Variants in PKD1L1 observed in about 807,000 individuals in gnomAD.
The protein encoded by PKD1L1 is polycystin-1-like protein 1.
Under a neutral mutation model 323.4 loss-of-function variants are expected in PKD1L1, and 236 were observed. The observed-to-expected ratio is 0.73, with a 90% CI of 0.66 to 0.81. The LOEUF (loss-of-function observed/expected upper bound fraction) is 0.81. PKD1L1 is among the 40% of genes least tolerant of loss of function. PKD1L1 has a pLI of 0.00. For missense variants in PKD1L1, 3,320 were observed against 3,508.0 expected, an observed-to-expected ratio of 0.95 and a Z score of 1.35; for synonymous variants, 1,344 against 1,335.0, an observed-to-expected ratio of 1.01 and a Z score of -0.15.
chr7:47,949,824 G>T (rs752670741), upstream of PKD1L1, among the ~76,000 whole-genome samples: 1 of 152,098 alleles, frequency 6.6e-6, no homozygotes, highest in Non-Finnish European at 1.5e-5. Flanking sequence ...ACGGGTGTCC[G>T]GCCTTGGATC....
intron 8 of PKD1L1, among the ~76,000 whole-genome samples, chr7:47,914,809 T>C (rs1227958731): frequency 6.6e-6 from 1 of 151,820 alleles, no homozygotes; most frequent in Non-Finnish European, 1.5e-5. Context: ...GGTGTGGTTA[T>C]GAGGACCACG....
chr7:47,871,796 T>C (rs1786285528), intron 24 of PKD1L1, among the ~76,000 whole-genome samples: 2 of 152,212 alleles, frequency 1.3e-5, no homozygotes, highest in Non-Finnish European at 2.9e-5. Context: ...CGGTTGTCTG[T>C]GAACGACCTC....
rs1562942009 is a variant in PKD1L1 at position 47,813,215 on chromosome 7, A to G, written c.7252T>C (p.Tyr2418His). Residue 2418 changes from tyrosine to histidine, a missense_variant, in exon 49 of 57, where the codon TAC (tyrosine) becomes CAC (histidine). By Grantham distance (83) the Tyr-to-His change is moderately conservative. Transcript: ENST00000289672. ...TTTTGGTTCTCTGGGTCTATCAGGT[A>G]GGGGTTCTCAGGGCCTCCAACTTCG... ...SPEVGGPENP[Y>H]LIDPENQNVT... 1 of 1,614,200 alleles carries G rather than the reference A, an allele frequency of 6.2e-7. No homozygotes were observed. The highest frequency in any genetic ancestry group is 1.7e-5 in the Admixed American group (1 of 60,020).
chr7:47,783,429 T>C (rs977111029), intron 56 of PKD1L1, among the ~76,000 whole-genome samples: 2 of 152,252 alleles, frequency 1.3e-5, no homozygotes, highest in Non-Finnish European at 2.9e-5. Flanking sequence ...AAGCTAGAAT[T>C]AATGGAAAAC....
intron 16 of PKD1L1, among the ~76,000 whole-genome samples, chr7:47,889,032 G>A (rs376316591): frequency 6.6e-6 from 1 of 152,146 alleles, no homozygotes; most frequent in East Asian, 1.9e-4. Flanking sequence ...CCAGCACAGG[G>A]CTGAGGAGCC....
chr7:47,889,030 G>A (rs993370860), intron 16 of PKD1L1, among the ~76,000 whole-genome samples: 2 of 152,156 alleles, frequency 1.3e-5, no homozygotes, highest in Non-Finnish European at 2.9e-5. Flanking sequence ...TCCCAGCACA[G>A]GGCTGAGGAG....
chr7:47,799,908 G>A (rs1296610936), intron 54 of PKD1L1, among the ~76,000 whole-genome samples: 1 of 152,162 alleles, frequency 6.6e-6, no homozygotes, highest in Non-Finnish European at 1.5e-5. Context: ...TCGGAGCCTC[G>A]GCAGGGAGGG....
chr7:47,955,897 C>T, the PKD1L1 span, among the ~76,000 whole-genome samples: 7 of 152,272 alleles, frequency 4.6e-5, no homozygotes, highest in African/African-American at 1.7e-4. Flanking sequence ...ACCATTTTTA[C>T]CTCTTGATTC....
chr7:47,876,071 T>C, intron 23 of PKD1L1, 26 bp downstream of exon 23: 3 of 1,611,984 alleles, frequency 1.9e-6, no homozygotes, highest in East Asian at 2.2e-5. Context: ...GCACAGCTAG[T>C]GACTCCAACT....
intron 46 of PKD1L1, chr7:47,819,543 T>C (rs776263621): frequency 2.2e-6 from 3 of 1,361,664 alleles, no homozygotes; most frequent in South Asian, 1.2e-5. Context: ...CTTGCACGGA[T>C]AGGAGAGCTG....
rs1323619022 is a variant in PKD1L1 at position 47,829,502 on chromosome 7, A to G, written c.6658T>C (p.Leu2220=). The G allele has an allele frequency of 3.1e-6, 5 of 1,614,212 alleles. No individual in the cohort carries two copies. Among genetic ancestry groups the G allele is most frequent in the South Asian group, 2.2e-5 (2 of 91,082 alleles). ...AGGCGAGTCCAGGAACGTTCTGCCAATTCAGAGTCCAGATCCCTGGTAGCC... is the reference window on the plus strand; with the variant it reads ...AGGCGAGTCCAGGAACGTTCTGCCAGTTCAGAGTCCAGATCCCTGGTAGCC... ...CEATRDLDSE[L]AERSWTRLPF... The change falls in exon 44 of 57, where the codon TTG becomes CTG. Residue 2220 remains leucine (L), a synonymous_variant. Transcript: ENST00000289672.
rs746255959 is a variant in PKD1L1, at chr7:47,829,422, T to A, written c.6735+3A>T. Reference sequence around the variant, plus strand: ...TTTGCACTGCATAGGTAATTTTTTTTACTTTTTCAACCTCGCCTGCACAGT... The same window carrying A: ...TTTGCACTGCATAGGTAATTTTTTTAACTTTTTCAACCTCGCCTGCACAGT... On this transcript the variant is annotated splice_donor_region_variant and intron_variant, in intron 44 of 56. Coordinates refer to ENST00000289672, the MANE Select transcript of PKD1L1 (RefSeq NM_138295.5). The A allele has an allele frequency of 1.9e-6, 3 of 1,588,480 alleles. No individual in the cohort carries two copies. The highest frequency in any genetic ancestry group is 2.6e-6 in the Non-Finnish European group (3 of 1,170,462).
intron 32 of PKD1L1, 139 bp downstream of exon 32, chr7:47,846,740 C>A: frequency 1.3e-6 from 1 of 747,886 alleles, no homozygotes; most frequent in East Asian, 2.8e-5. Context: ...CTGACACAGG[C>A]TGGAGAGTTG....
At chr7:47,882,565 GGGAGGTCCTCTCTGAAGACTAAGACTA>G (rs1786586425) in intron 19 of PKD1L1, among the ~76,000 whole-genome samples, 1 of 152,114 alleles carries the variant, frequency 6.6e-6, no homozygotes, top group Non-Finnish European at 1.5e-5. Flanking sequence ...ATGGAGGTCA[GGGAGGTCCTCTCTGAAGACTAAGACTA>G]GAAGGAGCCC....
intron 13 of PKD1L1, among the ~76,000 whole-genome samples, chr7:47,899,437 A>G (rs751959736): frequency 2.0e-4 from 31 of 151,992 alleles, no homozygotes; most frequent in Non-Finnish European, 4.1e-4. Flanking sequence ...ATTAGTGTCT[A>G]CCCATCCACA....
At chr7:47,797,134 C>A (rs1205603097) in intron 54 of PKD1L1, among the ~76,000 whole-genome samples, 1 of 152,214 alleles carries the variant, frequency 6.6e-6, no homozygotes, top group Non-Finnish European at 1.5e-5. Context: ...CTGCTGGCTT[C>A]AGGAGCTTTC....
chr7:47,850,731 C>A (rs564635879), intron 31 of PKD1L1, among the ~76,000 whole-genome samples: 1 of 150,580 alleles, frequency 6.6e-6, no homozygotes, highest in East Asian at 2.0e-4. Context: ...CAAAAACCCA[C>A]AGAGAAAATA....
At chr7:47,869,071 G>A (rs1001854426) in intron 24 of PKD1L1, among the ~76,000 whole-genome samples, 15 of 151,956 alleles carry the variant, frequency 9.9e-5, no homozygotes, top group African/African-American at 3.6e-4. Flanking sequence ...AGTAAGTTAA[G>A]GTGTATATTG....
At chr7:47,879,069 C>A (rs1786471034) in intron 21 of PKD1L1, among the ~76,000 whole-genome samples, 1 of 152,226 alleles carries the variant, frequency 6.6e-6, no homozygotes, top group Non-Finnish European at 1.5e-5. Flanking sequence ...GCAAACGCTG[C>A]CCGTCTTGTA....
Sources: allele counts gnomAD v4.1 joint callset (sites outside exome capture counted in the v4.1 genomes callset), GRCh38; gene constraint gnomAD v4.1.1; transcripts MANE v1.5; gene names NCBI Gene and HGNC (gene_info 2026-07-23, HGNC 2026-07-21).